Variants in OASL observed in about 807,000 individuals in gnomAD.
OASL encodes the protein 2'-5'-oligoadenylate synthase-like protein.
A neutral mutation model predicts 35.3 loss-of-function variants in OASL; 28 were observed. The observed-to-expected ratio is 0.79, with a 90% CI of 0.59 to 1.09. OASL has a LOEUF of 1.09. OASL is among the 50% of genes least tolerant of loss of function. The pLI is 0.00. For synonymous variants in OASL, 252 were observed against 254.6 expected, an observed-to-expected ratio of 0.99 and a Z score of 0.10; for missense variants, 620 against 635.2, an observed-to-expected ratio of 0.98 and a Z score of 0.26.
chr12:121,033,446 T>A lies in OASL; in HGVS notation c.481+15A>T. The stretch of plus-strand genomic sequence containing the variant: ...GGGCAAGTGTGTGAGTCGGGTGAGC[T>A]TCCCCTCCCCTTACCCAGGGCTCTG... On this transcript the variant is annotated intron_variant, in intron 2 of 5. Transcript: ENST00000257570. 1 of 1,601,706 alleles carries A rather than the reference T, an allele frequency of 6.2e-7. No homozygotes were observed. Among genetic ancestry groups the A allele is most frequent in the Non-Finnish European group, 8.5e-7 (1 of 1,169,778 alleles).
chr12:121,035,705 G>A (rs564641431), intron 1 of OASL, among the ~76,000 whole-genome samples: 235 of 152,226 alleles, frequency 1.5e-3, no homozygotes, highest in African/African-American at 5.5e-3. Context: ...TGGTTCTTCC[G>A]CCTCTTTCTT....
At chr12:121,021,766 G>A (rs1176199257) in intron 5 of OASL, among the ~76,000 whole-genome samples, 1 of 152,086 alleles carries the variant, frequency 6.6e-6, no homozygotes, top group African/African-American at 2.4e-5. Flanking sequence ...AGCTGAGATC[G>A]CACCACTGCA....
At chr12:121,027,302 A>G (rs1246215190) in intron 4 of OASL, among the ~76,000 whole-genome samples, 1 of 77,994 alleles carries the variant, frequency 1.3e-5, no homozygotes, top group Non-Finnish European at 3.4e-5. Flanking sequence ...CCTACAAAGC[A>G]CTGAAATGGT....
chr12:121,031,379 C>T (rs924346769), intron 3 of OASL, 63 bp downstream of exon 3: 3 of 1,530,610 alleles, frequency 2.0e-6, no homozygotes, highest in African/African-American at 2.7e-5. Flanking sequence ...GAAAATCAGG[C>T]CCTGCCTTTC....
At chr12:121,029,841 G>A (rs1476098185) in intron 3 of OASL, among the ~76,000 whole-genome samples, 1 of 152,008 alleles carries the variant, frequency 6.6e-6, no homozygotes, top group Non-Finnish European at 1.5e-5. Flanking sequence ...CAATATTAGT[G>A]AAATGTTACA....
intron 1 of OASL, among the ~76,000 whole-genome samples, chr12:121,036,754 T>C (rs1221625057): frequency 6.6e-6 from 1 of 152,150 alleles, no homozygotes. Context: ...GAGGGGGTGG[T>C]CTAGGAGGGT....
At chr12:121,034,709 C>T (rs190860619) in intron 1 of OASL, among the ~76,000 whole-genome samples, 50 of 152,234 alleles carry the variant, frequency 3.3e-4, no homozygotes, top group South Asian at 2.5e-3. Flanking sequence ...TCCTGAGACC[C>T]TCATCTGTAA....
chr12:121,026,992 C>T (rs1869513132), intron 4 of OASL, among the ~76,000 whole-genome samples: 1 of 152,112 alleles, frequency 6.6e-6, no homozygotes, highest in African/African-American at 2.4e-5. Flanking sequence ...CAAAGGGATG[C>T]AGGTGCTGAC....
chr12:121,025,135 G>A (rs1344051799), intron 4 of OASL, among the ~76,000 whole-genome samples: 4 of 151,738 alleles, frequency 2.6e-5, no homozygotes, highest in African/African-American at 7.3e-5. Flanking sequence ...CCGCCACCAC[G>A]CCCAGCTAAT....
chr12:121,033,119 T>C lies in OASL; in HGVS notation c.481+342A>G, dbSNP rs566392026. ...TTTTGTATTTTTAGTAGAGATGGTA[T>C]TTCACCATCTTGGCCAGGCTGGTCT... On this transcript the variant is annotated intron_variant, in intron 2 of 5. Transcript: ENST00000257570. Among the ~76,000 whole-genome samples, 12 of 152,132 alleles carry C rather than the reference T, an allele frequency of 7.9e-5. No homozygotes were observed. In the East Asian group the frequency reaches 2.1e-3, roughly 27 times the overall value.
At chr12:121,024,374 T>C (rs1869391867) in intron 4 of OASL, among the ~76,000 whole-genome samples, 1 of 152,122 alleles carries the variant, frequency 6.6e-6, no homozygotes, top group Non-Finnish European at 1.5e-5. Flanking sequence ...CCCAGCACTT[T>C]GGGAGGCTGA....
chr12:121,023,706 C>A, intron 5 of OASL: 1 of 317,952 alleles, frequency 3.1e-6, no homozygotes, highest in South Asian at 4.1e-5. Flanking sequence ...CTTGGCTGGA[C>A]CCAACTCACG....
In OASL at chr12:121,038,836, GC is replaced by G; in HGVS notation, c.135del (p.Arg45SerfsTer18). On this transcript the variant is annotated frameshift_variant, in exon 1 of 6. Transcript: ENST00000257570. LOFTEE classifies it high-confidence loss of function. ...CCACGCTTCCCCTGGAAATGCTCCT[GC>G]CTCAGAAACTCCTCCACGGTCCGCA... The G allele has an allele frequency of 6.2e-7, 1 of 1,614,092 alleles. No homozygotes were observed. The highest frequency in any genetic ancestry group is 8.5e-7 in the Non-Finnish European group (1 of 1,180,010).
intron 5 of OASL, 124 bp from the exon 6 acceptor site, chr12:121,021,182 AG>A: frequency 3.0e-6 from 3 of 1,008,100 alleles, no homozygotes; most frequent in Non-Finnish European, 2.8e-6. Flanking sequence ...GCAAATGTTT[AG>A]GGAGTGGTAA....
At chr12:121,035,537 C>CAAAACAAAAT (rs77750866) in intron 1 of OASL, among the ~76,000 whole-genome samples, 1 of 150,398 alleles carries the variant, frequency 6.6e-6, no homozygotes, top group Non-Finnish European at 1.5e-5. Context: ...CAAAACAAAA[C>CAAAACAAAAT]AACAAAAAAA....
chr12:121,022,169 C>T (rs1433014448), intron 5 of OASL, among the ~76,000 whole-genome samples: 2 of 150,080 alleles, frequency 1.3e-5, no homozygotes, highest in Non-Finnish European at 3.0e-5. Context: ...TCACTGCAAC[C>T]TCCGCCTCCC....
chr12:121,034,558 G>A (rs1256101272), intron 1 of OASL, among the ~76,000 whole-genome samples: 1 of 152,114 alleles, frequency 6.6e-6, no homozygotes, highest in Non-Finnish European at 1.5e-5. Flanking sequence ...TGGGGGTGGT[G>A]GTGGGGCTGA....
At position 121,027,734 on chromosome 12, in the gene OASL, AC is replaced by A. The variant is rs1869549348; in HGVS notation, c.740del (p.Gly247ValfsTer17). On this transcript the variant is annotated frameshift_variant, in exon 4 of 6. Transcript: ENST00000257570. LOFTEE classifies it high-confidence loss of function. ...ACATGAAATTCTCGTCTTCTTCAGT[AC>A]CCATTTCCCAGGCATAGATGGTTAG... The A allele has an allele frequency of 6.2e-7, 1 of 1,613,984 alleles. No homozygotes were observed. Among genetic ancestry groups the A allele is most frequent in the African/African-American group, 1.3e-5 (1 of 74,912 alleles).
At chr12:121,032,637 T>C (rs1440846424) in intron 2 of OASL, among the ~76,000 whole-genome samples, 2 of 152,202 alleles carry the variant, frequency 1.3e-5, no homozygotes, top group Non-Finnish European at 2.9e-5. Flanking sequence ...ATTGAATTCT[T>C]GCCTTTCCCA....
Sources: gnomAD v4.1 joint callset for allele counts (sites outside exome capture counted in the v4.1 genomes callset) on GRCh38, gnomAD v4.1.1 for gene constraint, MANE v1.5 for transcripts, NCBI Gene and HGNC (gene_info 2026-07-23, HGNC 2026-07-21) for gene names.